The following LANCL2 variants were observed in gnomAD, a reference collection of about 807,000 sequenced individuals.
The protein encoded by LANCL2 is LanC like glutathione S-transferase 2.
In LANCL2, 33 loss-of-function variants were observed where a neutral mutation model predicts 56.9. The observed-to-expected ratio is 0.58, with a 90% CI of 0.44 to 0.78. LANCL2 has a LOEUF of 0.78. Ranked by LOEUF, LANCL2 falls within the 30% of genes least tolerant of loss-of-function variation. The pLI, the probability that LANCL2 is intolerant of heterozygous loss-of-function variation, is 0.00. For synonymous variants in LANCL2, 233 were observed against 228.2 expected (o/e 1.02, Z -0.19); for missense variants, 562 against 580.2 (o/e 0.97, Z 0.32).
intron 2 of LANCL2, among the ~76,000 whole-genome samples, chr7:55,398,099 T>G (rs1790277234): frequency 6.6e-6 from 1 of 152,204 alleles, no homozygotes; most frequent in Admixed American, 6.5e-5. Context: ...AACCTTGGAA[T>G]GAATGAAAAT....
intron 5 of LANCL2, among the ~76,000 whole-genome samples, chr7:55,403,444 AGAGGGAGAGGGAGAG>A (rs1296878344): frequency 7.5e-4 from 113 of 150,542 alleles, no homozygotes; most frequent in Middle Eastern, 3.4e-3. Context: ...AAAGAGAGGG[AGAGGGAGAGGGAGAG>A]GAGGGAGAGG....
chr7:55,395,857 A>G (rs1021707712), intron 2 of LANCL2, among the ~76,000 whole-genome samples: 2 of 152,214 alleles, frequency 1.3e-5, no homozygotes, highest in African/African-American at 4.8e-5. Flanking sequence ...GAGTTCTGAG[A>G]AACGCATCAT....
chr7:55,423,943 G>T (rs527622057), intron 6 of LANCL2, among the ~76,000 whole-genome samples: 1 of 152,086 alleles, frequency 6.6e-6, no homozygotes, highest in African/African-American at 2.4e-5. Flanking sequence ...TCTGTTTCCC[G>T]CTGTGCCCTC....
chr7:55,378,526 A>G (rs1373780976), intron 1 of LANCL2, among the ~76,000 whole-genome samples: 4 of 109,958 alleles, frequency 3.6e-5, no homozygotes, highest in Non-Finnish European at 7.3e-5. Context: ...GTGTATATAT[A>G]TGTATACGTG....
intron 1 of LANCL2, among the ~76,000 whole-genome samples, chr7:55,390,767 C>T (rs1266690257): frequency 6.9e-6 from 1 of 144,292 alleles, no homozygotes; most frequent in East Asian, 2.0e-4. Context: ...AGCGACAGAG[C>T]AAAACTGTCT....
At chr7:55,371,671 C>T (rs1387277936) in intron 1 of LANCL2, among the ~76,000 whole-genome samples, 1 of 152,032 alleles carries the variant, frequency 6.6e-6, no homozygotes, top group Non-Finnish European at 1.5e-5. Context: ...TCTGGTCAAT[C>T]CAAAGGACTT....
intron 5 of LANCL2, among the ~76,000 whole-genome samples, chr7:55,408,799 A>T (rs944124813): frequency 6.6e-6 from 1 of 152,024 alleles, no homozygotes; most frequent in African/African-American, 2.4e-5. Flanking sequence ...AGATAAAGGG[A>T]TAAAGAGACA....
At chr7:55,403,807 T>C (rs1790373183) in intron 5 of LANCL2, among the ~76,000 whole-genome samples, 1 of 152,010 alleles carries the variant, frequency 6.6e-6, no homozygotes. Context: ...CCTGACCTCA[T>C]GATCCGCCCA....
intron 1 of LANCL2, among the ~76,000 whole-genome samples, chr7:55,379,997 T>C (rs773958273): frequency 1.1e-4 from 17 of 152,250 alleles, no homozygotes; most frequent in Non-Finnish European, 2.1e-4. Flanking sequence ...CTTAGATTTC[T>C]AACTCAGCTT....
intron 1 of LANCL2, 105 bp downstream of exon 1, chr7:55,366,334 G>A: frequency 9.8e-7 from 1 of 1,021,776 alleles, no homozygotes; most frequent in Non-Finnish European, 1.4e-6. Context: ...GGGCTTGGGA[G>A]GGCGCGGGAT....
At chr7:55,424,404 C>A (rs575972666) in intron 6 of LANCL2, among the ~76,000 whole-genome samples, 27 of 152,252 alleles carry the variant, frequency 1.8e-4, no homozygotes, top group Admixed American at 1.2e-3. Context: ...GAAGATGGAT[C>A]TTCCTAGCCT....
At chr7:55,367,348 T>C (rs1789886955) in intron 1 of LANCL2, among the ~76,000 whole-genome samples, 1 of 152,220 alleles carries the variant, frequency 6.6e-6, no homozygotes, top group Non-Finnish European at 1.5e-5. Flanking sequence ...ACTAAGAAGG[T>C]AATTTTGAAA....
chr7:55,390,367 A>T (rs527261520), intron 1 of LANCL2, among the ~76,000 whole-genome samples: 1 of 152,316 alleles, frequency 6.6e-6, no homozygotes, highest in South Asian at 2.1e-4. Context: ...GCACTTTGAG[A>T]GGCCGAGGTG....
chr7:55,429,859 G>A (rs1168342451), intron 8 of LANCL2, among the ~76,000 whole-genome samples: 1 of 152,278 alleles, frequency 6.6e-6, no homozygotes, highest in Non-Finnish European at 1.5e-5. Context: ...CCAGTGCCTG[G>A]CAGACAGAAC....
intron 6 of LANCL2, among the ~76,000 whole-genome samples, chr7:55,423,948 G>A (rs1412678670): frequency 6.6e-6 from 1 of 152,118 alleles, no homozygotes; most frequent in Non-Finnish European, 1.5e-5. Context: ...TTCCCGCTGT[G>A]CCCTCTGTAG....
intron 1 of LANCL2, among the ~76,000 whole-genome samples, chr7:55,371,824 T>C (rs954040228): frequency 1.3e-5 from 2 of 152,210 alleles, no homozygotes; most frequent in African/African-American, 2.4e-5. Flanking sequence ...AACCTCATAA[T>C]ATATCATGGA....
chr7:55,400,771 C>A (rs1790312196), intron 4 of LANCL2, among the ~76,000 whole-genome samples: 1 of 152,222 alleles, frequency 6.6e-6, no homozygotes, highest in South Asian at 2.1e-4. Flanking sequence ...GACCTCATAT[C>A]ATTAGCCTTT....
intron 1 of LANCL2, among the ~76,000 whole-genome samples, chr7:55,382,784 T>C (rs554751871): frequency 6.6e-6 from 1 of 152,188 alleles, no homozygotes; most frequent in East Asian, 1.9e-4. Context: ...AGTGATGTTA[T>C]CCTGAAGAGC....
chr7:55,390,851 G>GT (rs942030385), intron 1 of LANCL2, among the ~76,000 whole-genome samples: 3 of 151,634 alleles, frequency 2.0e-5, no homozygotes, highest in African/African-American at 7.3e-5. Flanking sequence ...AGAATATTGC[G>GT]TATTTCTCTT....
Sources: gnomAD v4.1 joint callset for allele counts (sites outside exome capture counted in the v4.1 genomes callset) on GRCh38, gnomAD v4.1.1 for gene constraint, MANE v1.5 for transcripts, NCBI Gene and HGNC (gene_info 2026-07-23, HGNC 2026-07-21) for gene names.